Variants in ARL13B observed in about 807,000 individuals in gnomAD.
ARL13B encodes the protein ADP-ribosylation factor-like protein 13B.
A neutral mutation model predicts 56.1 loss-of-function variants in ARL13B; 36 were observed. The ratio of observed to expected loss-of-function variants is 0.64; its 90% CI spans 0.49 to 0.85. ARL13B has a LOEUF of 0.85. Ranked by LOEUF, ARL13B falls within the 40% of genes least tolerant of loss-of-function variation. The probability of loss-of-function intolerance (pLI) is 0.00; values close to 1 mark genes in which losing one functional copy is unlikely to be tolerated. For missense variants in ARL13B, 519 were observed against 507.1 expected, an observed-to-expected ratio of 1.02 and a Z score of -0.23; for synonymous variants, 178 against 171.1, an observed-to-expected ratio of 1.04 and a Z score of -0.32.
At chr3:94,006,201 A>G (rs1230256431) in intron 3 of ARL13B, among the ~76,000 whole-genome samples, 1 of 152,158 alleles carries the variant, frequency 6.6e-6, no homozygotes, top group African/African-American at 2.4e-5. Flanking sequence ...AGGCTGAGGC[A>G]GGAGAATTGC....
Position 94,043,027 on chromosome 3 carries a change from C to G in ARL13B, c.811C>G (p.Leu271Val), listed in dbSNP as rs1232686117. ...ASVIIENEGKLEREKKNQKME... is the reference protein window; with the variant it reads ...ASVIIENEGKVEREKKNQKME... Reference sequence around the variant, plus strand: ...TATTTTTTGTTAGAATGAAGGAAAACTTGAAAGAGAGAAAAAAAACCAAAA... The same window carrying G: ...TATTTTTTGTTAGAATGAAGGAAAAGTTGAAAGAGAGAAAAAAAACCAAAA... The change falls in exon 7 of 10, where the codon CTT becomes GTT. Residue 271 changes from leucine to valine, a missense_variant. Transcript: ENST00000394222. 5.0e-6 allele frequency: 8 copies of G among 1,607,666 alleles called. No homozygotes were observed. In the African/African-American group the frequency reaches 9.4e-5, roughly 19 times the overall value.
intron 3 of ARL13B, among the ~76,000 whole-genome samples, chr3:94,012,647 T>A (rs561378390): frequency 2.0e-4 from 30 of 152,172 alleles, no homozygotes; most frequent in Non-Finnish European, 3.5e-4. Flanking sequence ...TAGTGTCTAC[T>A]TCATACTTTA....
At chr3:94,011,928 T>C (rs2076230916) in intron 3 of ARL13B, among the ~76,000 whole-genome samples, 1 of 152,176 alleles carries the variant, frequency 6.6e-6, no homozygotes, top group Non-Finnish European at 1.5e-5. Context: ...TCCTTGAAAC[T>C]GCTCTTCTTG....
At chr3:93,992,182 G>C (rs561189422) in intron 1 of ARL13B, among the ~76,000 whole-genome samples, 1 of 151,854 alleles carries the variant, frequency 6.6e-6, no homozygotes, top group Non-Finnish European at 1.5e-5. Context: ...TTAGATGTTT[G>C]TTTTTTTAAA....
intron 3 of ARL13B, among the ~76,000 whole-genome samples, chr3:94,033,531 A>G (rs1053695782): frequency 1.3e-5 from 2 of 152,208 alleles, no homozygotes; most frequent in African/African-American, 4.8e-5. Flanking sequence ...GTGAAAGCTT[A>G]TTTTTAGCAA....
At chr3:93,997,425 TG>T (rs1334346086) in intron 2 of ARL13B, among the ~76,000 whole-genome samples, 1 of 152,202 alleles carries the variant, frequency 6.6e-6, no homozygotes, top group Non-Finnish European at 1.5e-5. Context: ...AACTCACTGT[TG>T]GAAAAAAACA....
intron 3 of ARL13B, among the ~76,000 whole-genome samples, chr3:94,033,394 T>A (rs891888902): frequency 6.6e-5 from 10 of 151,870 alleles, no homozygotes; most frequent in African/African-American, 2.2e-4. Context: ...TTTTTTTTTT[T>A]AAATCAACCT....
chr3:94,003,599 A>G (rs2076087238), intron 2 of ARL13B, 60 bp from the exon 3 acceptor site: 7 of 1,575,490 alleles, frequency 4.4e-6, no homozygotes, highest in Non-Finnish European at 6.1e-6. Flanking sequence ...TTTAGTTGAA[A>G]AATTAACGTT....
intron 1 of ARL13B, among the ~76,000 whole-genome samples, chr3:93,995,355 C>T (rs539220278): frequency 6.6e-6 from 1 of 151,890 alleles, no homozygotes; most frequent in South Asian, 2.1e-4. Flanking sequence ...TTAGCTGTAT[C>T]ATGAGAAATA....
intron 1 of ARL13B, among the ~76,000 whole-genome samples, chr3:93,989,136 T>C (rs2107347951): frequency 1.3e-5 from 2 of 152,372 alleles, no homozygotes; most frequent in African/African-American, 4.8e-5. Context: ...TTCAGAAAAC[T>C]TCAGCCAATT....
At chr3:93,987,328 A>G (rs1456258355) in intron 1 of ARL13B, among the ~76,000 whole-genome samples, 1 of 152,144 alleles carries the variant, frequency 6.6e-6, no homozygotes, top group Non-Finnish European at 1.5e-5. Flanking sequence ...TATCCGTTAT[A>G]TAAAAAGGAA....
In ARL13B at chr3:94,053,374, A is replaced by G; in HGVS notation, c.*111A>G. 3 of 955,674 alleles carry G rather than the reference A, an allele frequency of 3.1e-6. No homozygotes were observed. The highest frequency in any genetic ancestry group is 3.3e-6 in the Non-Finnish European group (2 of 603,858). 59.2% of individuals were successfully genotyped at this position (955,674 alleles called of 1,614,324 possible). A position where few individuals can be genotyped will look rare whatever the true frequency, so the allele number is the denominator to read the frequency against. On this transcript the variant is annotated 3_prime_UTR_variant, in exon 10 of 10. Transcript: ENST00000394222. The stretch of plus-strand genomic sequence containing the variant: ...TGATGACTGGGGCAAGATAACCATA[A>G]TAATTTTAGTGAGAAGATTAATACT...
intron 3 of ARL13B, among the ~76,000 whole-genome samples, chr3:94,005,221 C>T (rs929389677): frequency 3.9e-5 from 6 of 152,110 alleles, no homozygotes; most frequent in Middle Eastern, 6.8e-3. Flanking sequence ...ACCTCAGGAG[C>T]TTACATTCTA....
At chr3:94,009,831 G>A (rs903928353) in intron 3 of ARL13B, among the ~76,000 whole-genome samples, 5 of 152,064 alleles carry the variant, frequency 3.3e-5, no homozygotes, top group African/African-American at 4.8e-5. Context: ...CATAGCAGCT[G>A]TAATTTACAG....
At chr3:94,042,338 A>C (rs1451342214) in intron 6 of ARL13B, among the ~76,000 whole-genome samples, 1 of 152,134 alleles carries the variant, frequency 6.6e-6, no homozygotes, top group African/African-American at 2.4e-5. Flanking sequence ...CAACAGTTCT[A>C]CTGTTAGCAA....
intron 3 of ARL13B, chr3:94,014,941 T>C (rs2076298193): frequency 1.2e-6 from 2 of 1,613,874 alleles, no homozygotes; most frequent in East Asian, 2.2e-5. Context: ...AACTAAATCA[T>C]TCAAACTTCT....
intron 1 of ARL13B, among the ~76,000 whole-genome samples, chr3:93,981,954 G>T (rs1470805973): frequency 6.6e-6 from 1 of 151,294 alleles, no homozygotes; most frequent in Non-Finnish European, 1.5e-5. Flanking sequence ...TTATATTCTG[G>T]TCTAATTTCA....
intron 4 of ARL13B, 80 bp downstream of exon 4, chr3:94,035,516 G>A: frequency 1.0e-6 from 1 of 973,138 alleles, no homozygotes; most frequent in Non-Finnish European, 1.5e-6. Context: ...TTATAAAAGT[G>A]ATAGCAATTA....
Position 94,036,629 on chromosome 3 carries a change from T to C in ARL13B, c.564T>C (p.His188=). ...SIKKGLYWLL[H]VIARDFDALN... ...AAAAAGGCCTTTATTGGCTGCTACA[T>C]GTTATTGCAAGAGACTTTGATGCCT... The change falls in exon 5 of 10, where the codon CAT becomes CAC. Residue 188 remains histidine, a synonymous_variant. Transcript: ENST00000394222. The C allele has an allele frequency of 6.2e-7, 1 of 1,614,078 alleles. No homozygotes were observed. The highest frequency in any genetic ancestry group is 8.5e-7 in the Non-Finnish European group (1 of 1,180,008).
Sources: allele counts gnomAD v4.1 joint callset (sites outside exome capture counted in the v4.1 genomes callset), GRCh38; gene constraint gnomAD v4.1.1; transcripts MANE v1.5; gene names NCBI Gene and HGNC (gene_info 2026-07-23, HGNC 2026-07-21).